RIMS2: variants seen among roughly 807,000 people sequenced by gnomAD.
The protein encoded by RIMS2 is regulating synaptic membrane exocytosis protein 2.
In RIMS2, 59 loss-of-function variants were observed where a neutral mutation model predicts 174.4. The ratio of observed to expected loss-of-function variants is 0.34; its 90% CI spans 0.27 to 0.42. The LOEUF is 0.42. RIMS2 is among the 10% of genes least tolerant of loss of function. The pLI is 1.00. For missense variants in RIMS2, 1,620 were observed against 1,666.3 expected (o/e 0.97, Z 0.48); for synonymous variants, 606 against 572.5 (o/e 1.06, Z -0.84).
chr8:103,521,194 G>A (rs556625767), intron 1 of RIMS2, among the ~76,000 whole-genome samples: 1 of 150,954 alleles, frequency 6.6e-6, no homozygotes, highest in South Asian at 2.1e-4. Context: ...TAAATGAGGA[G>A]TTAATGGGTG....
At chr8:103,862,088 C>G (rs1306486313) in intron 3 of RIMS2, among the ~76,000 whole-genome samples, 1 of 151,954 alleles carries the variant, frequency 6.6e-6, no homozygotes, top group East Asian at 1.9e-4. Flanking sequence ...AGGCTGTTTT[C>G]TAGGGCTTTT....
chr8:103,992,602 A>C (rs1394062643), intron 17 of RIMS2, among the ~76,000 whole-genome samples: 1 of 152,154 alleles, frequency 6.6e-6, no homozygotes, highest in Non-Finnish European at 1.5e-5. Context: ...TACTTGGTTA[A>C]ACTTGGGTGG....
chr8:104,013,705 C>T, intron 18 of RIMS2, 84 bp downstream of exon 20: 2 of 1,131,970 alleles, frequency 1.8e-6, no homozygotes, highest in Non-Finnish European at 2.6e-6. Context: ...CTGGTCTCTT[C>T]TATCATCTTT....
At chr8:103,697,179 A>G (rs747347359) in exon 2 of RIMS2, 2 of 1,613,608 alleles carry the variant, frequency 1.2e-6, no homozygotes, top group Admixed American at 1.7e-5. Context: ...GTGATGCGCC[A>G]ACCTGTGGTA....
In RIMS2 at chr8:103,960,370, G is replaced by A. The variant is rs2023032; in HGVS notation, c.2702-695G>A. Among the ~76,000 whole-genome samples, 508 of 152,258 alleles carry A rather than the reference G, an allele frequency of 3.3e-3. 2 individuals carry two copies. The highest frequency in any genetic ancestry group is 0.012 in the African/African-American group (482 of 41,552). On this transcript the variant is annotated intron_variant, in intron 14 of 23. Coordinates refer to ENST00000504942, the Ensembl canonical transcript of RIMS2. ...AACACAAACATGGTGCTCTTGAATT[G>A]TAATAACTATGAGTGCCTTTCCTAG...
At chr8:103,858,704 TA>T (rs2099041775) in intron 3 of RIMS2, among the ~76,000 whole-genome samples, 1 of 148,150 alleles carries the variant, frequency 6.7e-6, no homozygotes, top group Admixed American at 6.8e-5. Flanking sequence ...TACGTGTATA[TA>T]TATATACACA....
At chr8:103,774,892 A>T (rs1405816573) in intron 3 of RIMS2, among the ~76,000 whole-genome samples, 1 of 152,162 alleles carries the variant, frequency 6.6e-6, no homozygotes, top group Non-Finnish European at 1.5e-5. Flanking sequence ...ACTGCATGTA[A>T]ATTATATTTA....
chr8:103,791,753 A>G (rs2098501494), intron 3 of RIMS2, among the ~76,000 whole-genome samples: 1 of 152,194 alleles, frequency 6.6e-6, no homozygotes, highest in Admixed American at 6.5e-5. Context: ...AAAACAAAAA[A>G]AGGTAGGGGT....
At chr8:103,829,687 A>G (rs1453220708) in intron 3 of RIMS2, among the ~76,000 whole-genome samples, 2 of 152,186 alleles carry the variant, frequency 1.3e-5, no homozygotes, top group South Asian at 4.1e-4. Context: ...AGGGAAGATT[A>G]GACACTGGGG....
At chr8:104,115,264 G>A (rs930423226) in intron 19 of RIMS2, among the ~76,000 whole-genome samples, 1 of 152,064 alleles carries the variant, frequency 6.6e-6, no homozygotes, top group South Asian at 2.1e-4. Flanking sequence ...AGTTTCTTCA[G>A]TGCTAGCTTG....
At chr8:103,587,455 A>G (rs529903401) in intron 1 of RIMS2, among the ~76,000 whole-genome samples, 1 of 123,118 alleles carries the variant, frequency 8.1e-6, no homozygotes, top group South Asian at 2.4e-4. Context: ...AAAGAAAGAA[A>G]GAAAGAAAGA....
intron 3 of RIMS2, among the ~76,000 whole-genome samples, chr8:103,792,343 G>A (rs1439644487): frequency 6.6e-6 from 1 of 152,042 alleles, no homozygotes; most frequent in African/African-American, 2.4e-5. Context: ...ACGAAATGAA[G>A]GCAGAAATAA....
At chr8:103,508,462 A>T (rs1824773811) in intron 1 of RIMS2, among the ~76,000 whole-genome samples, 1 of 151,234 alleles carries the variant, frequency 6.6e-6, no homozygotes, top group Non-Finnish European at 1.5e-5. Flanking sequence ...TTTGTTAAAA[A>T]AAAAAAAAAA....
chr8:103,952,662 G>T (rs1043866067), intron 14 of RIMS2, among the ~76,000 whole-genome samples: 1 of 152,182 alleles, frequency 6.6e-6, no homozygotes, highest in Non-Finnish European at 1.5e-5. Flanking sequence ...GGAGAAACCA[G>T]TGCAAAAAGG....
At chr8:103,578,414 C>G (rs1440688984) in intron 1 of RIMS2, among the ~76,000 whole-genome samples, 1 of 152,066 alleles carries the variant, frequency 6.6e-6, no homozygotes, top group Admixed American at 6.5e-5. Flanking sequence ...ACCTGTAATC[C>G]CAGCTACTCG....
At chr8:103,882,222 A>G (rs1361960970) in intron 3 of RIMS2, among the ~76,000 whole-genome samples, 3 of 151,534 alleles carry the variant, frequency 2.0e-5, no homozygotes, top group African/African-American at 4.8e-5. Context: ...TATAAAGGCC[A>G]ATAGCAAAGA....
exon 18 of RIMS2, chr8:104,013,525 G>A (rs995050197): frequency 1.9e-5 from 30 of 1,613,552 alleles, no homozygotes; most frequent in Non-Finnish European, 2.5e-5. Flanking sequence ...ACCACCACCC[G>A]CTCCAGATCC....
intron 3 of RIMS2, chr8:103,768,335 G>T: frequency 2.9e-6 from 2 of 678,630 alleles, no homozygotes; most frequent in Non-Finnish European, 2.7e-6. Flanking sequence ...CATTGAAGTG[G>T]ATGATAAACG....
At chr8:103,690,689 T>C (rs1233591203) in intron 1 of RIMS2, among the ~76,000 whole-genome samples, 1 of 152,224 alleles carries the variant, frequency 6.6e-6, no homozygotes, top group Non-Finnish European at 1.5e-5. Flanking sequence ...AGTTACTATT[T>C]TTGATGCATT....
Sources: allele counts gnomAD v4.1 joint callset (sites outside exome capture counted in the v4.1 genomes callset), GRCh38; gene constraint gnomAD v4.1.1; transcripts MANE v1.5; gene names NCBI Gene and HGNC (gene_info 2026-07-23, HGNC 2026-07-21).